Variants in LINGO1 observed in about 807,000 individuals in gnomAD.
The protein encoded by LINGO1 is leucine-rich repeat and immunoglobulin-like domain-containing nogo receptor-interacting protein 1.
LINGO1 carries 11 observed loss-of-function variants against 37.3 expected under a neutral mutation model. The ratio of observed to expected loss-of-function variants is 0.29; its 90% CI spans 0.19 to 0.49. LINGO1 has a LOEUF of 0.49. LINGO1 is among the 20% of genes least tolerant of loss of function. LINGO1 has a pLI of 0.99. For missense variants in LINGO1, 585 were observed against 878.2 expected, an observed-to-expected ratio of 0.67 and a Z score of 4.22; for synonymous variants, 387 against 403.0, an observed-to-expected ratio of 0.96 and a Z score of 0.48.
intron 3 of LINGO1, among the ~76,000 whole-genome samples, chr15:77,654,920 T>C (rs2074835857): frequency 6.6e-6 from 1 of 152,194 alleles, no homozygotes; most frequent in South Asian, 2.1e-4. Context: ...GTGGCCCTGA[T>C]GCTCCACGCC....
chr15:77,718,751 C>T (rs2076014814), intron 2 of LINGO1, among the ~76,000 whole-genome samples: 1 of 150,684 alleles, frequency 6.6e-6, no homozygotes, highest in Admixed American at 6.6e-5. Context: ...GTCAGGATGC[C>T]TGGGCTCTGT....
intron 1 of LINGO1, among the ~76,000 whole-genome samples, chr15:77,809,462 C>A (rs1193682609): frequency 2.6e-5 from 4 of 152,230 alleles, no homozygotes; most frequent in African/African-American, 9.6e-5. Context: ...AACAGCTGTG[C>A]ACACAAATGA....
At chr15:77,761,587 A>C in intron 1 of LINGO1, among the ~76,000 whole-genome samples, 1 of 152,210 alleles carries the variant, frequency 6.6e-6, no homozygotes, top group East Asian at 1.9e-4. Flanking sequence ...TACAAATGCC[A>C]TTAATCTGGT....
chr15:77,789,099 A>G (rs2076798231), upstream of LINGO1, among the ~76,000 whole-genome samples: 1 of 129,536 alleles, frequency 7.7e-6, no homozygotes, highest in Admixed American at 7.5e-5. Flanking sequence ...GCCAGTGGAC[A>G]GTTCACTGCT....
chr15:77,643,690 A>G (rs1038410419), intron 3 of LINGO1, among the ~76,000 whole-genome samples: 1 of 152,160 alleles, frequency 6.6e-6, no homozygotes, highest in African/African-American at 2.4e-5. Context: ...CCCCAGCACC[A>G]TGGTTCAGGG....
intron 1 of LINGO1, among the ~76,000 whole-genome samples, chr15:77,802,002 C>T (rs1338512093): frequency 6.6e-6 from 1 of 152,052 alleles, no homozygotes; most frequent in Middle Eastern, 3.2e-3. Context: ...ATAGAAAGGG[C>T]CTTTGCAGAA....
chr15:77,664,761 G>T (rs568468658), intron 3 of LINGO1, among the ~76,000 whole-genome samples: 1 of 152,288 alleles, frequency 6.6e-6, no homozygotes, highest in Non-Finnish European at 1.5e-5. Flanking sequence ...CTTGAGATGG[G>T]CCAGGGAGGG....
chr15:77,705,285 C>T (rs986552849), intron 2 of LINGO1, among the ~76,000 whole-genome samples: 1 of 151,954 alleles, frequency 6.6e-6, no homozygotes, highest in African/African-American at 2.4e-5. Context: ...CTCCACAACC[C>T]AAGCCCTGGA....
intron 2 of LINGO1, among the ~76,000 whole-genome samples, chr15:77,728,840 C>T (rs117862110): frequency 5.3e-5 from 8 of 152,340 alleles, no homozygotes; most frequent in East Asian, 3.9e-4. Context: ...TGGACTGTAG[C>T]GAGGATTAAA....
chr15:77,729,362 G>A (rs192082389), intron 2 of LINGO1, among the ~76,000 whole-genome samples: 2 of 152,248 alleles, frequency 1.3e-5, no homozygotes, highest in African/African-American at 4.8e-5. Context: ...CCTTGAGGAG[G>A]AGGGCAGAGC....
chr15:77,769,390 C>G (rs1264083548), intron 1 of LINGO1, among the ~76,000 whole-genome samples: 4 of 152,226 alleles, frequency 2.6e-5, no homozygotes, highest in South Asian at 4.1e-4. Flanking sequence ...GGTCCCCCCC[C>G]AGCCTCCCCT....
intron 1 of LINGO1, among the ~76,000 whole-genome samples, chr15:77,616,604 C>T (rs1323643792): frequency 6.6e-6 from 1 of 152,192 alleles, no homozygotes; most frequent in Non-Finnish European, 1.5e-5. Flanking sequence ...AGGCCCAGCC[C>T]TGAAGCTGCC....
chr15:77,691,080 C>T (rs557413909), intron 1 of LINGO1, among the ~76,000 whole-genome samples: 3 of 152,342 alleles, frequency 2.0e-5, no homozygotes, highest in African/African-American at 7.2e-5. Context: ...AATGTTCTGT[C>T]TCTGCACTGT....
In LINGO1 at chr15:77,613,935, G is replaced by T; in HGVS notation, c.*109C>A. On this transcript the variant is annotated 3_prime_UTR_variant, in exon 2 of 2. Coordinates refer to ENST00000355300, the MANE Select transcript of LINGO1 (RefSeq NM_032808.7). ...CGGAGGCGGGAGGGAGAAAGAGAAC[G>T]TGTGTAGAAGGGTAGGGAGGAGGTG... 2.3e-6 allele frequency: 2 copies of T among 885,920 alleles called. No homozygotes were observed. Among genetic ancestry groups the T allele is most frequent in the Non-Finnish European group, 3.4e-6 (2 of 593,160 alleles). 54.9% of individuals were successfully genotyped at this position (885,920 alleles called of 1,614,324 possible).
At chr15:77,730,050 C>T (rs190432097) in intron 2 of LINGO1, among the ~76,000 whole-genome samples, 5 of 152,202 alleles carry the variant, frequency 3.3e-5, no homozygotes, top group Admixed American at 3.3e-4. Context: ...AAACTCAGGA[C>T]TGGAGGTCCG....
intron 1 of LINGO1, among the ~76,000 whole-genome samples, chr15:77,748,117 G>A (rs2076333076): frequency 6.6e-6 from 1 of 152,242 alleles, no homozygotes; most frequent in Non-Finnish European, 1.5e-5. Flanking sequence ...TCTCCAGTGG[G>A]TTAAGACTCT....
intron 2 of LINGO1, among the ~76,000 whole-genome samples, chr15:77,709,683 G>A (rs2075894927): frequency 6.6e-6 from 1 of 152,248 alleles, no homozygotes; most frequent in African/African-American, 2.4e-5. Flanking sequence ...CTCTCCTGAA[G>A]CTTTCCAGTG....
intron 1 of LINGO1, among the ~76,000 whole-genome samples, chr15:77,742,773 G>T (rs986714332): frequency 4.6e-5 from 7 of 152,226 alleles, no homozygotes; most frequent in Non-Finnish European, 8.8e-5. Flanking sequence ...TGGGAGCACG[G>T]CCAGCTTCAC....
chr15:77,760,370 G>T (rs1317739801), intron 1 of LINGO1, among the ~76,000 whole-genome samples: 2 of 152,254 alleles, frequency 1.3e-5, no homozygotes, highest in Admixed American at 1.3e-4. Flanking sequence ...TGCAGGGGCT[G>T]AACCAGCAAC....
Sources: gnomAD v4.1 joint callset for allele counts (sites outside exome capture counted in the v4.1 genomes callset) on GRCh38, gnomAD v4.1.1 for gene constraint, MANE v1.5 for transcripts, NCBI Gene and HGNC (gene_info 2026-07-23, HGNC 2026-07-21) for gene names.